The following GRXCR2 variants were observed in gnomAD, a reference collection of about 807,000 sequenced individuals.
GRXCR2 encodes the protein glutaredoxin domain-containing cysteine-rich protein 2.
Under a neutral mutation model 24.8 loss-of-function variants are expected in GRXCR2, and 23 were observed. The observed-to-expected ratio is 0.93, with a 90% confidence interval of 0.67 to 1.32. GRXCR2 has a LOEUF of 1.32. Among genes scored for constraint, GRXCR2 ranks in the 40% most tolerant of loss-of-function variants. The pLI is 0.00. For missense variants in GRXCR2, 315 were observed against 303.4 expected (o/e 1.04, Z -0.28); for synonymous variants, 130 against 116.1 (o/e 1.12, Z -0.77).
chr5:145,918,918 G>A (rs977423350), intron 2 of GRXCR2, among the ~76,000 whole-genome samples: 2 of 152,166 alleles, frequency 1.3e-5, no homozygotes, highest in African/African-American at 2.4e-5. Flanking sequence ...TCTGTGCTTA[G>A]TGCATGCCTA....
At chr5:145,897,036 A>G (rs1296284858) in intron 2 of GRXCR2, among the ~76,000 whole-genome samples, 1 of 150,888 alleles carries the variant, frequency 6.6e-6, no homozygotes, top group Non-Finnish European at 1.5e-5. Context: ...TCGCAAGGAC[A>G]AAAAACCAAA....
upstream of GRXCR2, among the ~76,000 whole-genome samples, chr5:145,876,175 T>C (rs554865037): frequency 6.6e-5 from 7 of 106,202 alleles, no homozygotes; most frequent in South Asian, 1.2e-3. Flanking sequence ...TCTTAAAAAA[T>C]TGTATGTGTG....
chr5:145,912,646 G>A (rs1757182076), intron 2 of GRXCR2, among the ~76,000 whole-genome samples: 1 of 152,180 alleles, frequency 6.6e-6, no homozygotes. Flanking sequence ...CTACTGTGGA[G>A]TGGGTGGGCA....
In GRXCR2 at chr5:145,872,896, A is replaced by G. The variant is rs1228397264; in HGVS notation, c.73T>C (p.Ser25Pro). 1 of 1,614,066 alleles carries G rather than the reference A, an allele frequency of 6.2e-7. No individual in the cohort carries two copies. The highest frequency in any genetic ancestry group is 8.5e-7 in the Non-Finnish European group (1 of 1,179,934). Residue 25 changes from serine to proline, a missense_variant, in exon 1 of 3, where the codon TCC becomes CCC. By Grantham distance (74) the Ser-to-Pro change is moderately conservative. Coordinates refer to ENST00000377976, the MANE Select transcript of GRXCR2 (RefSeq NM_001080516.2). ...TTCAATACTCGACCGCTGTAGGAGG[A>G]GGAGATTTTAAATCGTACTTTCCGG... is the stretch of plus-strand genomic sequence containing the variant. The part of the protein sequence containing the change: ...KPRKVRFKIS[S>P]SYSGRVLKQV...
chr5:145,894,197 G>A (rs1326370432), intron 2 of GRXCR2, among the ~76,000 whole-genome samples: 2 of 152,048 alleles, frequency 1.3e-5, no homozygotes, highest in Non-Finnish European at 2.9e-5. Context: ...ATCTAAAATT[G>A]ACACCCTAAC....
intron 2 of GRXCR2, among the ~76,000 whole-genome samples, chr5:145,864,583 C>G (rs969378069): frequency 6.6e-6 from 1 of 151,968 alleles, no homozygotes; most frequent in Non-Finnish European, 1.5e-5. Flanking sequence ...GAGTTCTCAC[C>G]AGAGCTGGTG....
At chr5:145,914,684 A>G (rs1056360242) in intron 2 of GRXCR2, among the ~76,000 whole-genome samples, 8 of 150,804 alleles carry the variant, frequency 5.3e-5, no homozygotes, top group African/African-American at 2.0e-4. Flanking sequence ...TCAAAAAAAA[A>G]AAAAAAAAAA....
chr5:145,915,892 A>G (rs73792732), intron 2 of GRXCR2, among the ~76,000 whole-genome samples: 2,068 of 152,274 alleles, frequency 0.014, 57 homozygotes, highest in African/African-American at 0.047. Context: ...ACCTATTCAG[A>G]GCTTTCAGCA....
At chr5:145,886,767 G>A (rs1012351086) in intron 2 of GRXCR2, among the ~76,000 whole-genome samples, 3 of 152,124 alleles carry the variant, frequency 2.0e-5, no homozygotes, top group African/African-American at 7.2e-5. Flanking sequence ...AAAATATACA[G>A]ATGAAATTAA....
intron 2 of GRXCR2, among the ~76,000 whole-genome samples, chr5:145,863,767 A>T (rs1756381118): frequency 1.3e-5 from 2 of 152,310 alleles, no homozygotes; most frequent in African/African-American, 2.4e-5. Flanking sequence ...GATTACAAGC[A>T]TGAACTACCA....
intron 2 of GRXCR2, among the ~76,000 whole-genome samples, chr5:145,885,328 C>T (rs1178857487): frequency 6.6e-6 from 1 of 152,154 alleles, no homozygotes; most frequent in African/African-American, 2.4e-5. Context: ...TCTAGGGCAA[C>T]GTTTCAAGAG....
upstream of GRXCR2, among the ~76,000 whole-genome samples, chr5:145,876,091 C>A (rs1756608992): frequency 6.6e-6 from 1 of 151,046 alleles, no homozygotes; most frequent in African/African-American, 2.4e-5. Context: ...TGCTTGAGCC[C>A]AGGAGTTTGA....
At chr5:145,889,246 ATT>A in intron 2 of GRXCR2, among the ~76,000 whole-genome samples, 1 of 150,906 alleles carries the variant, frequency 6.6e-6, no homozygotes. Context: ...GAAAGAAAGA[ATT>A]ATGCAATGGA....
In GRXCR2 at chr5:145,872,742, C is replaced by G; in HGVS notation, c.227G>C (p.Cys76Ser). ...CCTCTGAGCAGTCAGCTTAGGGGAG[C>G]ACATCTGGGGCCTGGGGACTTCCCC... ...GSGEVPRPQM[C>S]SPKLTAQRIS... The change falls in exon 1 of 3, where the codon TGC becomes TCC. Residue 76 changes from cysteine to serine, a missense_variant. Cys to Ser is a moderately radical substitution (Grantham distance 112, BLOSUM62 -1). Transcript: ENST00000377976. 6.2e-7 allele frequency: 1 copy of G among 1,614,012 alleles called. No individual in the cohort carries two copies. Among genetic ancestry groups the G allele is most frequent in the Non-Finnish European group, 8.5e-7 (1 of 1,179,866 alleles).
intron 2 of GRXCR2, among the ~76,000 whole-genome samples, chr5:145,908,852 G>A (rs2149924840): frequency 6.6e-6 from 1 of 152,272 alleles, no homozygotes; most frequent in Non-Finnish European, 1.5e-5. Flanking sequence ...AGTAATGACA[G>A]AGCTAAAAGC....
intron 1 of GRXCR2, among the ~76,000 whole-genome samples, chr5:145,871,179 C>T (rs1756525750): frequency 6.6e-6 from 1 of 152,124 alleles, no homozygotes; most frequent in Non-Finnish European, 1.5e-5. Context: ...ATAAGGTTTG[C>T]ATGAACTGTG....
chr5:145,878,817 A>C (rs1756657598), intron 2 of GRXCR2, among the ~76,000 whole-genome samples: 1 of 152,350 alleles, frequency 6.6e-6, no homozygotes, highest in South Asian at 2.1e-4. Context: ...GTTACCCATA[A>C]AGGGAAGCCC....
chr5:145,866,873 G>A, intron 1 of GRXCR2, 145 bp from the exon 2 acceptor site: 1 of 622,274 alleles, frequency 1.6e-6, no homozygotes, highest in Non-Finnish European at 2.8e-6. Flanking sequence ...CAAAGTCACA[G>A]TTCATTCCCT....
At chr5:145,883,798 G>A (rs1054667494) in intron 2 of GRXCR2, among the ~76,000 whole-genome samples, 1 of 152,124 alleles carries the variant, frequency 6.6e-6, no homozygotes, top group Non-Finnish European at 1.5e-5. Context: ...TGGAGTGAAA[G>A]GATCACCTGA....
Sources: allele counts gnomAD v4.1 joint callset (sites outside exome capture counted in the v4.1 genomes callset), GRCh38; gene constraint gnomAD v4.1.1; transcripts MANE v1.5; gene names NCBI Gene and HGNC (gene_info 2026-07-23, HGNC 2026-07-21).